The following ZC3H12B variants were observed in gnomAD, a reference collection of about 807,000 sequenced individuals.
ZC3H12B encodes the protein probable ribonuclease ZC3H12B.
ZC3H12B carries 7 observed loss-of-function variants against 43.9 expected under a neutral mutation model. That is an observed-to-expected ratio of 0.16 (90% CI 0.09 to 0.30). The LOEUF (loss-of-function observed/expected upper bound fraction) is 0.30, where lower values mean the gene tolerates loss of function less well. ZC3H12B is among the 10% of genes least tolerant of loss of function. ZC3H12B has a pLI of 1.00. For synonymous variants in ZC3H12B, 222 were observed against 241.7 expected, an observed-to-expected ratio of 0.92 and a Z score of 0.76; for missense variants, 475 against 670.2, an observed-to-expected ratio of 0.71 and a Z score of 3.22.
At chrX:65,328,946 C>A in the ZC3H12B span, among the ~76,000 whole-genome samples, 1 of 110,037 alleles carries the variant, frequency 9.1e-6, no homozygotes, top group Non-Finnish European at 1.9e-5. Context: ...TCCAATCTAT[C>A]ATTGTTGGAC....
the ZC3H12B span, among the ~76,000 whole-genome samples, chrX:65,211,732 T>C: frequency 3.5e-5 from 3 of 85,061 alleles, no homozygotes; most frequent in South Asian, 5.2e-4. Flanking sequence ...TTTTATGTAA[T>C]AATATATATA....
chrX:65,401,226 T>C (rs2066758973), intron 3 of ZC3H12B, among the ~76,000 whole-genome samples: 1 of 111,587 alleles, frequency 9.0e-6, no homozygotes, highest in Non-Finnish European at 1.9e-5. Context: ...TTCCGCACCC[T>C]TGGCAGCAGC....
At chrX:65,148,104 G>A in the ZC3H12B span, among the ~76,000 whole-genome samples, 1 of 111,116 alleles carries the variant, frequency 9.0e-6, no homozygotes, top group Non-Finnish European at 1.9e-5. Context: ...GGAGGATAGG[G>A]CCACAGGGAC....
the ZC3H12B span, among the ~76,000 whole-genome samples, chrX:65,170,618 C>G: frequency 8.9e-6 from 1 of 111,956 alleles, no homozygotes; most frequent in Non-Finnish European, 1.9e-5. Context: ...GGATAATATC[C>G]TGAAGAGTGT....
intron 2 of ZC3H12B, among the ~76,000 whole-genome samples, chrX:65,379,783 A>C (rs775004283): frequency 2.7e-5 from 3 of 112,487 alleles, no homozygotes; most frequent in South Asian, 3.7e-4. Flanking sequence ...GAGCTGAAAA[A>C]CAAGGCTCAA....
chrX:65,330,383 G>A, the ZC3H12B span, among the ~76,000 whole-genome samples: 1 of 111,145 alleles, frequency 9.0e-6, no homozygotes, highest in Non-Finnish European at 1.9e-5. Flanking sequence ...TTTCCTAATT[G>A]AATGCCCTTT....
chrX:65,126,728 G>C, the ZC3H12B span, among the ~76,000 whole-genome samples: 2 of 102,169 alleles, frequency 2.0e-5, no homozygotes, highest in African/African-American at 7.3e-5. Context: ...GATTAGGTTA[G>C]TTCAAAAGCC....
chrX:65,382,983 G>T (rs1327739313), intron 2 of ZC3H12B, among the ~76,000 whole-genome samples: 1 of 111,285 alleles, frequency 9.0e-6, no homozygotes, highest in African/African-American at 3.3e-5. Flanking sequence ...AACATTCCAT[G>T]CTCATGGGTA....
chrX:65,382,220 C>T (rs1038713370), intron 2 of ZC3H12B, among the ~76,000 whole-genome samples: 8 of 109,973 alleles, frequency 7.3e-5, no homozygotes, highest in Admixed American at 4.9e-4. Context: ...ACTGGCAAAC[C>T]GAATCCAGCA....
At chrX:65,228,834 A>G in the ZC3H12B span, among the ~76,000 whole-genome samples, 21 of 111,865 alleles carry the variant, frequency 1.9e-4, no homozygotes, top group African/African-American at 6.5e-4. Flanking sequence ...AACAGACGTG[A>G]AGGACCTCTT....
chrX:65,216,191 G>T, the ZC3H12B span, among the ~76,000 whole-genome samples: 1 of 111,859 alleles, frequency 8.9e-6, no homozygotes, highest in South Asian at 3.7e-4. Context: ...ACAGTATCTG[G>T]TTTCAACACA....
At chrX:65,214,263 C>T in the ZC3H12B span, among the ~76,000 whole-genome samples, 3 of 111,174 alleles carry the variant, frequency 2.7e-5, no homozygotes, top group Non-Finnish European at 3.8e-5. Flanking sequence ...TTTGCCACAT[C>T]AATGGACTTT....
At chrX:65,192,769 C>CAGATAGATAGAT in the ZC3H12B span, among the ~76,000 whole-genome samples, 7,394 of 104,340 alleles carry the variant, frequency 0.071, 784 homozygotes, top group African/African-American at 0.25. Flanking sequence ...GGGATTTTCC[C>CAGATAGATAGAT]AGATAGATAG....
the ZC3H12B span, among the ~76,000 whole-genome samples, chrX:65,108,466 G>C: frequency 9.2e-6 from 1 of 108,235 alleles, no homozygotes; most frequent in African/African-American, 3.4e-5. Flanking sequence ...ACACATTAGC[G>C]TAGGCCAACG....
the ZC3H12B span, among the ~76,000 whole-genome samples, chrX:65,070,411 G>T: frequency 1.8e-5 from 2 of 109,938 alleles, no homozygotes; most frequent in African/African-American, 6.6e-5. Context: ...TATGTTTTTT[G>T]TTTTTTTGTA....
the ZC3H12B span, among the ~76,000 whole-genome samples, chrX:65,159,395 C>T: frequency 8.9e-6 from 1 of 111,769 alleles, no homozygotes; most frequent in Non-Finnish European, 1.9e-5. Context: ...TCTTCCTACC[C>T]ATGAGCATGG....
chrX:65,379,320 C>A (rs1269295269), intron 2 of ZC3H12B, among the ~76,000 whole-genome samples: 1 of 111,821 alleles, frequency 8.9e-6, no homozygotes, highest in Non-Finnish European at 1.9e-5. Flanking sequence ...TGCAGCCTAA[C>A]TGGGAGACAC....
the ZC3H12B span, among the ~76,000 whole-genome samples, chrX:65,323,571 A>G: frequency 1.8e-5 from 2 of 111,464 alleles, no homozygotes; most frequent in African/African-American, 6.5e-5. Context: ...TATGTGCCAC[A>G]TTTTCATTAT....
chrX:65,150,399 A>T, the ZC3H12B span, among the ~76,000 whole-genome samples: 1 of 110,320 alleles, frequency 9.1e-6, no homozygotes, highest in African/African-American at 3.3e-5. Flanking sequence ...AAGTTCTGGG[A>T]TACATATACA....
Sources: allele counts gnomAD v4.1 joint callset (sites outside exome capture counted in the v4.1 genomes callset), GRCh38; gene constraint gnomAD v4.1.1; transcripts MANE v1.5; gene names NCBI Gene and HGNC (gene_info 2026-07-23, HGNC 2026-07-21).